Variants in TF observed in about 807,000 individuals in gnomAD.
The protein encoded by TF is transferrin.
A neutral mutation model predicts 82.4 loss-of-function variants in TF; 55 were observed. That is an observed-to-expected ratio of 0.67 (90% CI 0.54 to 0.84). The LOEUF is 0.84. Among genes scored for constraint, TF ranks in the 40% least tolerant of loss-of-function variants. TF has a pLI of 0.00. For synonymous variants in TF, 332 were observed against 332.6 expected (o/e 1.00, Z 0.02); for missense variants, 737 against 868.4 (o/e 0.85, Z 1.90).
chr3:133,663,320 C>T, the TF span, among the ~76,000 whole-genome samples: 31 of 147,234 alleles, frequency 2.1e-4, 1 homozygote, highest in African/African-American at 5.8e-4. Flanking sequence ...GGAATAAAAT[C>T]TGTCTTACTG....
the TF span, chr3:133,700,302 C>G: frequency 6.6e-6 from 1 of 152,408 alleles, no homozygotes; most frequent in African/African-American, 2.4e-5. Flanking sequence ...CAAACACCAG[C>G]CAGCCATTTG....
chr3:133,739,262 AT>A, the TF span, among the ~76,000 whole-genome samples: 2 of 152,378 alleles, frequency 1.3e-5, no homozygotes, highest in East Asian at 3.9e-4. Flanking sequence ...GGCTAGCCAT[AT>A]GTAGAAAACT....
At chr3:133,666,641 A>G in the TF span, among the ~76,000 whole-genome samples, 1 of 152,224 alleles carries the variant, frequency 6.6e-6, no homozygotes, top group Admixed American at 6.5e-5. Flanking sequence ...TCATTAGCAC[A>G]TTCTATTCTA....
chr3:133,688,554 T>C, the TF span, among the ~76,000 whole-genome samples: 3 of 151,264 alleles, frequency 2.0e-5, no homozygotes, highest in East Asian at 1.9e-4. Flanking sequence ...TCAACATTCA[T>C]TGATAGCAAA....
rs1934894573 is a variant in TF at position 133,793,431 on chromosome 3, A to G, written c.*14811A>G. 1 of 152,152 alleles carries G rather than the reference A, an allele frequency of 6.6e-6. No homozygotes were observed. Among genetic ancestry groups the G allele is most frequent in the South Asian group, 2.1e-4 (1 of 4,830 alleles). The allele number at this position is 152,152 out of a possible 1,614,324, so 9.4% of individuals were successfully genotyped here. ...TTTGAGATGCTGCAGAGGGCCCCTG[A>G]AGCATCCAAAAGAGAGGTAAACAGA... On this transcript the variant is annotated 3_prime_UTR_variant, in exon 17 of 17. Transcript: ENST00000402696.
In TF at chr3:133,793,780, A is replaced by G. The variant is rs1201039844; in HGVS notation, c.*15160A>G. 1.3e-5 allele frequency: 2 copies of G among 152,142 alleles called. No individual in the cohort carries two copies. Among genetic ancestry groups the G allele is most frequent in the Admixed American group, 6.5e-5 (1 of 15,268 alleles). 9.4% of individuals were successfully genotyped at this position (152,142 alleles called of 1,614,324 possible). ...AAAGTCCTAGAATATGGTGTCTTTTAGGAGATTCATGAAAGATTGGAAAGG... is the reference window on the plus strand; with the variant it reads ...AAAGTCCTAGAATATGGTGTCTTTTGGGAGATTCATGAAAGATTGGAAAGG... On this transcript the variant is annotated 3_prime_UTR_variant, in exon 17 of 17. Coordinates refer to ENST00000402696, the MANE Select transcript of TF (RefSeq NM_001063.4).
chr3:133,746,139 C>G, upstream of TF: 1 of 501,396 alleles, frequency 2.0e-6, no homozygotes, highest in South Asian at 2.0e-5. Context: ...CTCCTGGCAC[C>G]GAGCGAGCCG....
the TF span, among the ~76,000 whole-genome samples, chr3:133,726,019 G>T: frequency 6.6e-6 from 1 of 152,182 alleles, no homozygotes; most frequent in Admixed American, 6.5e-5. Flanking sequence ...ACTTGATCAT[G>T]GTGGATAAGC....
chr3:133,700,246 T>A, the TF span: 1 of 152,084 alleles, frequency 6.6e-6, no homozygotes, highest in Admixed American at 6.6e-5. Context: ...GTGGGGGTTG[T>A]CAGGGAGGGC....
At chr3:133,711,457 G>A in the TF span, among the ~76,000 whole-genome samples, 1 of 152,126 alleles carries the variant, frequency 6.6e-6, no homozygotes, top group Non-Finnish European at 1.5e-5. Context: ...CATCCCTGCC[G>A]AGCCTGGTCC....
At chr3:133,750,252 G>A (rs1035791326) in intron 2 of TF, among the ~76,000 whole-genome samples, 5 of 152,142 alleles carry the variant, frequency 3.3e-5, no homozygotes, top group Non-Finnish European at 7.4e-5. Context: ...AGGGGAACCG[G>A]GCCATCCTAG....
the TF span, among the ~76,000 whole-genome samples, chr3:133,708,088 G>T: frequency 6.6e-6 from 1 of 152,100 alleles, no homozygotes; most frequent in Non-Finnish European, 1.5e-5. Flanking sequence ...TTAAACAAGT[G>T]CATACTCATA....
At chr3:133,761,831 A>G (rs566854237) in intron 9 of TF, 1 of 153,914 alleles carries the variant, frequency 6.5e-6, no homozygotes, top group East Asian at 1.9e-4. Context: ...GACTCACTGA[A>G]CCTACAGGGG....
At chr3:133,669,996 T>C in the TF span, among the ~76,000 whole-genome samples, 2 of 152,192 alleles carry the variant, frequency 1.3e-5, no homozygotes, top group African/African-American at 4.8e-5. Flanking sequence ...ATTCTGAACT[T>C]GGAAACAGTT....
chr3:133,723,413 A>T, the TF span, among the ~76,000 whole-genome samples: 1 of 149,260 alleles, frequency 6.7e-6, no homozygotes, highest in Non-Finnish European at 1.5e-5. Context: ...CTATAATGTG[A>T]ATATCTGTTC....
chr3:133,690,640 A>G, the TF span, among the ~76,000 whole-genome samples: 3 of 152,324 alleles, frequency 2.0e-5, no homozygotes, highest in African/African-American at 4.8e-5. Context: ...AGGGAGAGAT[A>G]TGTTAGAGGA....
the TF span, among the ~76,000 whole-genome samples, chr3:133,674,109 G>C: frequency 2.0e-5 from 3 of 152,154 alleles, no homozygotes; most frequent in African/African-American, 7.2e-5. Context: ...CAAAACGTTG[G>C]GTATATGAGA....
chr3:133,778,512 G>T, intron 16 of TF, 74 bp from the exon 17 acceptor site: 1 of 1,531,458 alleles, frequency 6.5e-7, no homozygotes, highest in Non-Finnish European at 9.0e-7. Flanking sequence ...TGCTGAAATT[G>T]TTCAATCACT....
chr3:133,779,204 C>G lies in TF; in HGVS notation c.*584C>G, dbSNP rs1485849405. ...CTAACTAGCTGAAAAAAGTGAAACA[C>G]TGACATCTTTTTTGCTGAAAAGCAT... On this transcript the variant is annotated 3_prime_UTR_variant, in exon 17 of 17. Transcript: ENST00000402696. 1 of 154,266 alleles carries G rather than the reference C, an allele frequency of 6.5e-6. No homozygotes were observed. Among genetic ancestry groups the G allele is most frequent in the East Asian group, 1.9e-4 (1 of 5,228 alleles). The allele number at this position is 154,266 out of a possible 1,614,324, so 9.6% of individuals were successfully genotyped here. A position where few individuals can be genotyped will look rare whatever the true frequency, so the allele number is the denominator to read the frequency against.
Sources: allele counts gnomAD v4.1 joint callset (sites outside exome capture counted in the v4.1 genomes callset), GRCh38; gene constraint gnomAD v4.1.1; transcripts MANE v1.5; gene names NCBI Gene and HGNC (gene_info 2026-07-23, HGNC 2026-07-21).